ADCY9: variants seen among roughly 807,000 people sequenced by gnomAD.
The protein encoded by ADCY9 is adenylate cyclase type 9.
Under a neutral mutation model 101.5 loss-of-function variants are expected in ADCY9, and 50 were observed. The ratio of observed to expected loss-of-function variants is 0.49; its 90% CI spans 0.39 to 0.62. The LOEUF (loss-of-function observed/expected upper bound fraction) is 0.62, where lower values mean the gene tolerates loss of function less well. ADCY9 is among the 20% of genes least tolerant of loss of function. The pLI, the probability that ADCY9 is intolerant of heterozygous loss-of-function variation, is 0.00. For missense variants in ADCY9, 1,662 were observed against 1,800.4 expected, an observed-to-expected ratio of 0.92 and a Z score of 1.39; for synonymous variants, 905 against 769.3, an observed-to-expected ratio of 1.18 and a Z score of -2.92.
At chr16:4,011,184 G>A (rs1002627046) in intron 2 of ADCY9, among the ~76,000 whole-genome samples, 1 of 152,156 alleles carries the variant, frequency 6.6e-6, no homozygotes, top group Non-Finnish European at 1.5e-5. Flanking sequence ...CAGGCAGGGG[G>A]GTTACTAGAA....
At chr16:3,988,809 GT>G (rs921746038) in intron 6 of ADCY9, among the ~76,000 whole-genome samples, 184 bp downstream of exon 6, 8 of 152,328 alleles carry the variant, frequency 5.3e-5, no homozygotes, top group African/African-American at 1.9e-4. Flanking sequence ...TAAAGAAAGG[GT>G]TTTTTTCCTC....
chr16:4,109,014 T>C (rs1474454621), intron 2 of ADCY9, among the ~76,000 whole-genome samples: 1 of 152,130 alleles, frequency 6.6e-6, no homozygotes, highest in Non-Finnish European at 1.5e-5. Context: ...CCCCTCACTT[T>C]TTAGATTATT....
At chr16:4,014,551 A>T (rs1176530473) in intron 2 of ADCY9, among the ~76,000 whole-genome samples, 3 of 150,756 alleles carry the variant, frequency 2.0e-5, no homozygotes, top group Non-Finnish European at 4.4e-5. Flanking sequence ...GGGTTCAAGG[A>T]ATACTCCTGC....
chr16:4,097,558 T>TACA lies in ADCY9; in HGVS notation c.1693+16191_1693+16192insTGT, dbSNP rs1460628544. ...ATATATATATATATATATATATTTT[T>TACA]TTTTTTTTTTTTTAAGACAGAGTCT... On this transcript the variant is annotated intron_variant, in intron 2 of 10. Transcript: ENST00000294016. Among the ~76,000 whole-genome samples the TACA allele has an allele frequency of 3.5e-4, 32 of 92,442 alleles. 1 individual carries two copies. The highest frequency in any genetic ancestry group is 1.5e-3 in the African/African-American group (29 of 18,874). The allele number at this position is 92,442 out of a possible 152,430, so 60.6% of individuals were successfully genotyped here.
intron 7 of ADCY9, among the ~76,000 whole-genome samples, chr16:3,980,927 T>G (rs74003488): frequency 6.6e-6 from 1 of 152,104 alleles, no homozygotes; most frequent in Non-Finnish European, 1.5e-5. Context: ...GAGAGGGTGA[T>G]GCAGGAAGCC....
chr16:4,092,078 G>A (rs2056977046), intron 2 of ADCY9, among the ~76,000 whole-genome samples: 1 of 152,218 alleles, frequency 6.6e-6, no homozygotes, highest in Non-Finnish European at 1.5e-5. Context: ...AGGCCAGCCT[G>A]GCCAACATGG....
intron 2 of ADCY9, among the ~76,000 whole-genome samples, chr16:4,067,696 C>T (rs1258920318): frequency 3.3e-5 from 5 of 152,190 alleles, no homozygotes; most frequent in Non-Finnish European, 5.9e-5. Flanking sequence ...CTGCAGCTGA[C>T]CCTCGGGAGA....
At chr16:4,097,551 ATATT>A (rs1273363973) in intron 2 of ADCY9, among the ~76,000 whole-genome samples, 4 of 51,034 alleles carry the variant, frequency 7.8e-5, no homozygotes, top group African/African-American at 4.3e-4. Flanking sequence ...ATATATATAT[ATATT>A]TTTTTTTTTT....
At chr16:4,047,741 G>C (rs946550489) in intron 2 of ADCY9, among the ~76,000 whole-genome samples, 3 of 152,194 alleles carry the variant, frequency 2.0e-5, no homozygotes, top group South Asian at 2.1e-4. Flanking sequence ...TGACCAAGCA[G>C]GTCCTTGGTT....
At chr16:4,040,535 C>T (rs930901116) in intron 2 of ADCY9, among the ~76,000 whole-genome samples, 2 of 151,538 alleles carry the variant, frequency 1.3e-5, no homozygotes, top group African/African-American at 4.9e-5. Context: ...CGGCTCACTG[C>T]AATCTCCACC....
chr16:4,004,251 T>TAAA (rs71133681), intron 3 of ADCY9, among the ~76,000 whole-genome samples: 29,202 of 107,054 alleles, frequency 0.27, 4,230 homozygotes, highest in South Asian at 0.37. Context: ...CCCATCTCTT[T>TAAA]AAAAAAAAAA....
At chr16:3,970,556 G>C (rs182287449) in intron 10 of ADCY9, among the ~76,000 whole-genome samples, 1 of 152,118 alleles carries the variant, frequency 6.6e-6, no homozygotes, top group Non-Finnish European at 1.5e-5. Context: ...TGGAACTCCT[G>C]ACCTCAGGTG....
At chr16:4,031,532 T>A (rs905398271) in intron 2 of ADCY9, among the ~76,000 whole-genome samples, 10 of 152,198 alleles carry the variant, frequency 6.6e-5, no homozygotes, top group Non-Finnish European at 1.0e-4. Context: ...AAGTGGGATA[T>A]TAGTGTTCAT....
At chr16:4,089,341 T>G (rs535059496) in intron 2 of ADCY9, among the ~76,000 whole-genome samples, 1 of 152,076 alleles carries the variant, frequency 6.6e-6, no homozygotes, top group Non-Finnish European at 1.5e-5. Context: ...CTTTTTTCAC[T>G]GGGCATGTTT....
chr16:4,104,563 G>A (rs1351116717), intron 2 of ADCY9, among the ~76,000 whole-genome samples: 1 of 151,970 alleles, frequency 6.6e-6, no homozygotes, highest in Non-Finnish European at 1.5e-5. Flanking sequence ...AGTGAGCTAT[G>A]GTAGCACCAC....
chr16:3,992,459 G>A lies in ADCY9; in HGVS notation c.1990-96C>T, dbSNP rs2056252758. On this transcript the variant is annotated intron_variant, in intron 4 of 10. Transcript: ENST00000294016. This position sits in a 1 kb window ranked among gnomAD's most constrained non-coding sequence, Gnocchi z 4.2. ...CCCACCCCGACCTCCGCTGCGGGGC[G>A]CTGCTGCACTGGGCGTGGGACTTTC... 8 of 1,141,186 alleles carry A rather than the reference G, an allele frequency of 7.0e-6. No individual in the cohort carries two copies. Among genetic ancestry groups the A allele is most frequent in the African/African-American group, 4.6e-5 (3 of 65,142 alleles). 70.7% of individuals were successfully genotyped at this position (1,141,186 alleles called of 1,614,324 possible).
At chr16:4,039,582 G>A (rs1205071125) in intron 2 of ADCY9, among the ~76,000 whole-genome samples, 1 of 148,230 alleles carries the variant, frequency 6.7e-6, no homozygotes, top group African/African-American at 2.5e-5. Context: ...GGGACGCTGA[G>A]ATAGGAGAAT....
intron 2 of ADCY9, among the ~76,000 whole-genome samples, chr16:4,077,071 T>C: frequency 1.2e-5 from 1 of 82,856 alleles, no homozygotes. Context: ...GGTTGAGACT[T>C]CGTCTCAAAA....
chr16:3,953,993 T>C (rs1002647253), intron 5 of ADCY9, among the ~76,000 whole-genome samples: 5 of 152,216 alleles, frequency 3.3e-5, no homozygotes, highest in Admixed American at 2.0e-4. Flanking sequence ...ATCTCACGGA[T>C]GGCTGAATCC....
Sources: gnomAD v4.1 joint callset for allele counts (sites outside exome capture counted in the v4.1 genomes callset) on GRCh38, gnomAD v4.1.1 for gene constraint, Gnocchi (gnomAD v3.1) non-coding constraint, MANE v1.5 for transcripts, NCBI Gene and HGNC (gene_info 2026-07-23, HGNC 2026-07-21) for gene names.